The following NPAT variants were observed in gnomAD, a reference collection of about 807,000 sequenced individuals.
The protein encoded by NPAT is nuclear protein, coactivator of histone transcription.
In NPAT, 52 loss-of-function variants were observed where a neutral mutation model predicts 130.7. The observed-to-expected ratio is 0.40, with a 90% CI of 0.32 to 0.50. The LOEUF is 0.50. Ranked by LOEUF, NPAT falls within the 20% of genes least tolerant of loss-of-function variation. The pLI is 0.68. For missense variants in NPAT, 1,687 were observed against 1,662.6 expected (o/e 1.01, Z -0.26); for synonymous variants, 580 against 584.8 (o/e 0.99, Z 0.12).
chr11:108,158,547 A>T lies in NPAT; in HGVS notation c.*395T>A, dbSNP rs1442252352. 1.2e-5 allele frequency: 2 copies of T among 164,438 alleles called. No individual in the cohort carries two copies. The highest frequency in any genetic ancestry group is 2.6e-5 in the Non-Finnish European group (2 of 75,570). 10.2% of individuals were successfully genotyped at this position (164,438 alleles called of 1,614,324 possible). ...TAAGAATAAGCATCATTTTCCTCCA[A>T]AACAAGTGAGAAACTATTCCAGATG... On this transcript the variant is annotated 3_prime_UTR_variant, in exon 18 of 18. Transcript: ENST00000278612.
chr11:108,167,875 C>T (rs1255032653), intron 15 of NPAT, among the ~76,000 whole-genome samples: 1 of 151,826 alleles, frequency 6.6e-6, no homozygotes, highest in Non-Finnish European at 1.5e-5. Flanking sequence ...CCTCAACAGA[C>T]AGGAAATTTA....
chr11:108,217,596 C>T (rs2078445650), intron 1 of NPAT, among the ~76,000 whole-genome samples: 2 of 152,118 alleles, frequency 1.3e-5, no homozygotes, highest in African/African-American at 4.8e-5. Context: ...TATTTATCAT[C>T]ATTAAGTATC....
intron 15 of NPAT, among the ~76,000 whole-genome samples, chr11:108,164,711 T>C (rs1259837310): frequency 1.3e-5 from 2 of 152,062 alleles, no homozygotes; most frequent in Non-Finnish European, 2.9e-5. Flanking sequence ...AAATAAGTCT[T>C]AGTAGTGGAA....
intron 4 of NPAT, among the ~76,000 whole-genome samples, chr11:108,191,881 G>A (rs1289993090): frequency 6.6e-6 from 1 of 152,142 alleles, no homozygotes; most frequent in African/African-American, 2.4e-5. Flanking sequence ...AATTGCTATG[G>A]AAACTTGGAA....
intron 8 of NPAT, 89 bp downstream of exon 8, chr11:108,186,393 T>TA: frequency 1.1e-6 from 1 of 922,276 alleles, no homozygotes. Context: ...CTTTATTTGA[T>TA]ACATACACAC....
At chr11:108,199,552 T>C (rs1229248133) in intron 1 of NPAT, among the ~76,000 whole-genome samples, 2 of 152,222 alleles carry the variant, frequency 1.3e-5, no homozygotes, top group Non-Finnish European at 2.9e-5. Context: ...CTGAGGCTTC[T>C]TGCCTTCACA....
chr11:108,180,629 G>A (rs192090470), intron 10 of NPAT, among the ~76,000 whole-genome samples: 2 of 152,294 alleles, frequency 1.3e-5, no homozygotes, highest in Non-Finnish European at 2.9e-5. Flanking sequence ...CAGCTGCTAT[G>A]AGAAACATTA....
At chr11:108,221,845 G>A (rs1268926179) in intron 1 of NPAT, among the ~76,000 whole-genome samples, 2 of 152,148 alleles carry the variant, frequency 1.3e-5, no homozygotes, top group Admixed American at 6.5e-5. Context: ...CTCCTCAAAT[G>A]AAGGTAAAAC....
At chr11:108,176,869 T>A (rs967738402) in intron 11 of NPAT, 125 bp downstream of exon 11, 32 of 673,894 alleles carry the variant, frequency 4.7e-5, no homozygotes, top group Non-Finnish European at 6.9e-5. Flanking sequence ...ATCCATATAA[T>A]GTTTGATGAA....
At chr11:108,201,347 C>T (rs1200821487) in intron 1 of NPAT, among the ~76,000 whole-genome samples, 2 of 152,164 alleles carry the variant, frequency 1.3e-5, no homozygotes, top group African/African-American at 4.8e-5. Flanking sequence ...CCTTATATCA[C>T]ATAATAAAGG....
Position 108,190,086 on chromosome 11 carries a change from C to T in NPAT, c.331+374G>A, listed in dbSNP as rs563037373. ...CAGCACTTTGGGAGGCTGAGGCAGGCGGACCATGGGGTCAGGAGATTGAGA... is the reference window on the plus strand; with the variant it reads ...CAGCACTTTGGGAGGCTGAGGCAGGTGGACCATGGGGTCAGGAGATTGAGA... On this transcript the variant is annotated intron_variant, in intron 5 of 17. Coordinates refer to ENST00000278612, the MANE Select transcript of NPAT (RefSeq NM_002519.3). Among the ~76,000 whole-genome samples the T allele has an allele frequency of 1.8e-3, 276 of 151,346 alleles. 2 individuals are homozygous for T. The highest frequency in any genetic ancestry group is 6.2e-3 in the African/African-American group (258 of 41,348).
At chr11:108,160,312 A>G (rs1343055455) in intron 17 of NPAT, among the ~76,000 whole-genome samples, 1 of 152,094 alleles carries the variant, frequency 6.6e-6, no homozygotes, top group Non-Finnish European at 1.5e-5. Context: ...AACGAGAGTG[A>G]AACCCTCTCT....
Position 108,158,902 on chromosome 11 carries a change from T to A in NPAT, c.*40A>T. The A allele has an allele frequency of 8.4e-7, 1 of 1,186,356 alleles. No individual in the cohort carries two copies. Among genetic ancestry groups the A allele is most frequent in the South Asian group, 1.2e-5 (1 of 82,224 alleles). 73.5% of individuals were successfully genotyped at this position (1,186,356 alleles called of 1,614,324 possible). On this transcript the variant is annotated 3_prime_UTR_variant, in exon 18 of 18. Transcript: ENST00000278612. Reference sequence around the variant, plus strand: ...TTCCCTACACTCAGTTTAAGGGATATGAGTTTTTAACACCTACTGTTCTTA... The same window carrying A: ...TTCCCTACACTCAGTTTAAGGGATAAGAGTTTTTAACACCTACTGTTCTTA...
chr11:108,172,227 G>C lies in NPAT; in HGVS notation c.2757C>G (p.Asn919Lys). 1 of 1,614,048 alleles carries C rather than the reference G, an allele frequency of 6.2e-7. No individual in the cohort carries two copies. Among genetic ancestry groups the C allele is most frequent in the Middle Eastern group, 1.6e-4 (1 of 6,062 alleles). ...GTGAAAAGTTTGGTGACACAGCTTG[G>C]TTGACAGCAAATACACTGTTTGACC... ...PPRSNSVFAV[N>K]QAVSPNFSQG... The change falls in exon 13 of 18, where the codon AAC becomes AAG. Residue 919 changes from asparagine (N) to lysine (K), a missense_variant. Transcript: ENST00000278612.
intron 7 of NPAT, among the ~76,000 whole-genome samples, chr11:108,187,442 G>T (rs1204180816): frequency 6.6e-6 from 1 of 152,050 alleles, no homozygotes; most frequent in Admixed American, 6.6e-5. Context: ...AGACAGCAAG[G>T]CCCTATCTCT....
In NPAT at chr11:108,210,100, A is replaced by G. The variant is rs369935270; in HGVS notation, c.37+12400T>C. 8.6e-5 allele frequency among the ~76,000 whole-genome samples: 13 copies of G among 151,530 alleles called. 1 individual carries two copies. The East Asian group carries it at 2.5e-3, about 29-fold the overall frequency. ...AACCGAAAAAAAAAAGAGAATACTC[A>G]AATTATACTAGATCAGAAAAGTAAG... is the stretch of plus-strand genomic sequence containing the variant. On this transcript the variant is annotated intron_variant, in intron 1 of 17. Coordinates refer to ENST00000278612, the MANE Select transcript of NPAT (RefSeq NM_002519.3).
intron 13 of NPAT, 57 bp from the exon 14 acceptor site, chr11:108,170,100 C>A: frequency 1.9e-6 from 2 of 1,032,580 alleles, no homozygotes; most frequent in Admixed American, 1.9e-5. Context: ...TGGCACAAAA[C>A]AAACAAATGT....
chr11:108,200,438 C>T (rs556620463), intron 1 of NPAT, among the ~76,000 whole-genome samples: 72 of 152,232 alleles, frequency 4.7e-4, no homozygotes, highest in African/African-American at 1.7e-3. Flanking sequence ...TTAGCTGGTA[C>T]GGGACCCATC....
At chr11:108,207,103 G>A (rs774531969) in intron 1 of NPAT, among the ~76,000 whole-genome samples, 18 of 152,214 alleles carry the variant, frequency 1.2e-4, no homozygotes, top group Non-Finnish European at 1.5e-5. Context: ...TCTGCAGGCA[G>A]GTTGTCCCAA....
Sources: allele counts gnomAD v4.1 joint callset (sites outside exome capture counted in the v4.1 genomes callset), GRCh38; gene constraint gnomAD v4.1.1; transcripts MANE v1.5; gene names NCBI Gene and HGNC (gene_info 2026-07-23, HGNC 2026-07-21).